Variants in MGAT5B observed in about 807,000 individuals in gnomAD.
MGAT5B encodes alpha-1,6-mannosylglycoprotein 6-beta-N-acetylglucosaminyltransferase B, also known as N-acetylglucosaminyl-transferase Vb.
MGAT5B carries 54 observed loss-of-function variants against 95.1 expected under a neutral mutation model. That is an observed-to-expected ratio of 0.57 (90% CI 0.46 to 0.71). The LOEUF (loss-of-function observed/expected upper bound fraction) is 0.71. MGAT5B is among the 30% of genes least tolerant of loss of function. The pLI is 0.00. For missense variants in MGAT5B, 935 were observed against 1,088.6 expected, an observed-to-expected ratio of 0.86 and a Z score of 1.99; for synonymous variants, 464 against 451.0, an observed-to-expected ratio of 1.03 and a Z score of -0.36.
Position 76,947,968 on chromosome 17 carries a change from G to A in MGAT5B, c.2062G>A (p.Ala688Thr), listed in dbSNP as rs367906821. 29 of 1,612,014 alleles carry A rather than the reference G, an allele frequency of 1.8e-5. No individual in the cohort carries two copies. The highest frequency in any genetic ancestry group is 3.3e-4 in the Middle Eastern group (2 of 6,074). ...TCCTGGGGCCTGGCCCCCCGCGCAC[G>A]CCCTGCGGGCCTGGCTGGCCGTGCC... ...LAPGAWPPAH[A>T]LRAWLAVPGR... The change falls in exon 17 of 18, where the codon GCC (alanine) becomes ACC (threonine). Residue 688 changes from alanine (A) to threonine (T), a missense_variant. By Grantham distance (58) the Ala-to-Thr change is moderately conservative. Coordinates refer to ENST00000569840, the MANE Select transcript of MGAT5B (RefSeq NM_001199172.2).
At chr17:76,941,316 C>T (rs9901072) in intron 15 of MGAT5B, among the ~76,000 whole-genome samples, 38,955 of 152,172 alleles carry the variant, frequency 0.26, 5,091 homozygotes, top group East Asian at 0.37. Flanking sequence ...GGCAGAACAC[C>T]CTGGGTCTCC....
rs535468540 is a variant in MGAT5B, at chr17:76,888,566, C to T, written c.329+6268C>T. Among the ~76,000 whole-genome samples, 3 of 152,276 alleles carry T rather than the reference C, an allele frequency of 2.0e-5. No homozygotes were observed. The South Asian group carries it at 6.2e-4, about 32-fold the overall frequency. On this transcript the variant is annotated intron_variant, in intron 3 of 17. Transcript: ENST00000569840. ...CAATATCCCCGTTAATTGAATGCAACTCTCGTAAATCAGGAGAGGGAGTCA... is the reference window on the plus strand; with the variant it reads ...CAATATCCCCGTTAATTGAATGCAATTCTCGTAAATCAGGAGAGGGAGTCA...
intron 2 of MGAT5B, among the ~76,000 whole-genome samples, chr17:76,873,279 C>T (rs1477116986): frequency 6.6e-6 from 1 of 152,204 alleles, no homozygotes; most frequent in Non-Finnish European, 1.5e-5. Flanking sequence ...CTGGATATGA[C>T]ACTTGTCTCC....
chr17:76,877,687 A>T (rs932289254), intron 2 of MGAT5B, among the ~76,000 whole-genome samples: 2 of 152,192 alleles, frequency 1.3e-5, no homozygotes, highest in East Asian at 3.8e-4. Flanking sequence ...GTGAGCGAGT[A>T]CAGAGAGATA....
At chr17:76,887,554 CTTTTCT>C (rs1967701268) in intron 3 of MGAT5B, among the ~76,000 whole-genome samples, 1 of 92,646 alleles carries the variant, frequency 1.1e-5, no homozygotes, top group African/African-American at 5.6e-5. Flanking sequence ...TTTCTTTTTT[CTTTTCT>C]TTTTTTTTTT....
chr17:76,933,039 T>C (rs1488480023), intron 11 of MGAT5B, among the ~76,000 whole-genome samples: 1 of 152,168 alleles, frequency 6.6e-6, no homozygotes, highest in Non-Finnish European at 1.5e-5. Context: ...CTTCCACCCT[T>C]CCAAGAAACA....
chr17:76,899,478 TA>T (rs904976947), intron 3 of MGAT5B, among the ~76,000 whole-genome samples: 6 of 151,298 alleles, frequency 4.0e-5, no homozygotes, highest in Admixed American at 3.3e-4. Context: ...TACAGAAAAT[TA>T]AAAAAAAATT....
intron 10 of MGAT5B, among the ~76,000 whole-genome samples, chr17:76,928,935 G>A (rs1012581120): frequency 2.7e-5 from 4 of 150,854 alleles, no homozygotes; most frequent in South Asian, 2.1e-4. Context: ...GCGCGACCTC[G>A]GCTCCCTGCA....
intron 16 of MGAT5B, among the ~76,000 whole-genome samples, chr17:76,947,291 G>A (rs892049736): frequency 6.6e-6 from 1 of 152,206 alleles, no homozygotes; most frequent in East Asian, 1.9e-4. Flanking sequence ...CTTTACAGAT[G>A]GGAATACTGA....
At chr17:76,937,737 G>A (rs1969724421) in intron 12 of MGAT5B, among the ~76,000 whole-genome samples, 1 of 152,188 alleles carries the variant, frequency 6.6e-6, no homozygotes, top group Admixed American at 6.5e-5. Context: ...TCCCCATAGG[G>A]TTCCTTTGGA....
Position 76,869,560 on chromosome 17 carries a change from C to T in MGAT5B, c.68+463C>T, listed in dbSNP as rs942380490. The stretch of plus-strand genomic sequence containing the variant: ...TAGGTCGGCTACCCCCCAACCCCTC[C>T]GCCTGTGCCACCCTCTCCCCAGCCT... On this transcript the variant is annotated intron_variant, in intron 1 of 17. Transcript: ENST00000569840. The surrounding 1 kb of genome is among the most constrained non-coding windows in gnomAD (Gnocchi z 7.0). 8.5e-5 allele frequency among the ~76,000 whole-genome samples: 13 copies of T among 152,314 alleles called. No homozygotes were observed. The highest frequency in any genetic ancestry group is 1.6e-4 in the Non-Finnish European group (11 of 68,020).
In MGAT5B at chr17:76,916,898, CG is replaced by C. The variant is rs941083280; in HGVS notation, c.1026-8065del. Among the ~76,000 whole-genome samples the C allele has an allele frequency of 5.3e-5, 8 of 151,900 alleles. No homozygotes were observed. Among genetic ancestry groups the C allele is most frequent in the African/African-American group, 1.9e-4 (8 of 41,318 alleles). ...CAGGGAGACTGGAAGGAGCCACCCA[CG>C]GGAAGGGTCAAACTCAGGGGTTCCC... On this transcript the variant is annotated intron_variant, in intron 8 of 17. Transcript: ENST00000569840. This position sits in a 1 kb window ranked among gnomAD's most constrained non-coding sequence, Gnocchi z 5.3.
Position 76,869,773 on chromosome 17 carries a change from C to T in MGAT5B, c.68+676C>T, listed in dbSNP as rs1966929676. Among the ~76,000 whole-genome samples, 5 of 152,146 alleles carry T rather than the reference C, an allele frequency of 3.3e-5. No individual in the cohort carries two copies. The South Asian group carries it at 6.2e-4, about 19-fold the overall frequency. On this transcript the variant is annotated intron_variant, in intron 1 of 17. Coordinates refer to ENST00000569840, the MANE Select transcript of MGAT5B (RefSeq NM_001199172.2). The surrounding 1 kb of genome is among the most constrained non-coding windows in gnomAD (Gnocchi z 7.0). ...CGAGGCTGCGGCGGAGCGTGGTGGG[C>T]GGGCGGTGGCGAAGGCGACACGCTT...
chr17:76,923,968 T>C (rs1969208605), intron 8 of MGAT5B: 1 of 152,128 alleles, frequency 6.6e-6, no homozygotes, highest in African/African-American at 2.4e-5. Flanking sequence ...GGGCTCGGCA[T>C]AGACTTAACT....
At chr17:76,913,845 T>C (rs781578754) in intron 8 of MGAT5B, 24 of 454,870 alleles carry the variant, frequency 5.3e-5, no homozygotes, top group Non-Finnish European at 9.7e-5. Context: ...GTGGGGCGGC[T>C]CACTCCTGTA....
At chr17:76,897,698 T>G (rs1419220127) in intron 3 of MGAT5B, among the ~76,000 whole-genome samples, 5 of 113,504 alleles carry the variant, frequency 4.4e-5, no homozygotes, top group Non-Finnish European at 8.2e-5. Context: ...TCTTTCTTTC[T>G]TTCTTTCTTT....
chr17:76,933,158 C>T, intron 11 of MGAT5B, 134 bp from the exon 12 acceptor site: 2 of 1,078,156 alleles, frequency 1.9e-6, no homozygotes, highest in Non-Finnish European at 2.8e-6. Flanking sequence ...GCAGGAGAGG[C>T]TTAGAGATTA....
Position 76,902,634 on chromosome 17 carries a change from C to A in MGAT5B, c.409C>A (p.Gln137Lys). The A allele has an allele frequency of 1.2e-6, 2 of 1,601,104 alleles. No individual in the cohort carries two copies. Among genetic ancestry groups the A allele is most frequent in the East Asian group, 2.3e-5 (1 of 44,190 alleles). Residue 137 changes from glutamine to lysine, a missense_variant, in exon 4 of 18, where the codon CAG becomes AAG. Physicochemically the swap from Gln to Lys is moderately conservative, Grantham distance 53. Transcript: ENST00000569840. ...CTCCGACATCGCTGTGAAGGTGGAC[C>A]AGATCCTGCGCCACAGTCTGCTCCT... ...NVSDIAVKVDQILRHSLLLHS... is the reference protein window; with the variant it reads ...NVSDIAVKVDKILRHSLLLHS...
rs1968872742 is a variant in MGAT5B at position 76,914,903 on chromosome 17, G to A, written c.1025+8716G>A. ...TCCACCCACCTCGGCCTCCCAAAGT[G>A]CTGGGATTACAGGCGTGAGCCACTG... On this transcript the variant is annotated intron_variant, in intron 8 of 17. Transcript: ENST00000569840. This position sits in a 1 kb window ranked among gnomAD's most constrained non-coding sequence, Gnocchi z 5.1. Among the ~76,000 whole-genome samples the A allele has an allele frequency of 6.6e-6, 1 of 152,180 alleles. No homozygotes were observed. The highest frequency in any genetic ancestry group is 6.5e-5 in the Admixed American group (1 of 15,274).
Sources: allele counts gnomAD v4.1 joint callset (sites outside exome capture counted in the v4.1 genomes callset), GRCh38; gene constraint gnomAD v4.1.1; non-coding constraint Gnocchi (gnomAD v3.1); transcripts MANE v1.5; gene names NCBI Gene and HGNC (gene_info 2026-07-23, HGNC 2026-07-21).